Variants in RBFOX2 observed in about 807,000 individuals in gnomAD.
The protein encoded by RBFOX2 is RNA binding protein fox-1 homolog 2.
In RBFOX2, 10 loss-of-function variants were observed where a neutral mutation model predicts 49.1. That is an observed-to-expected ratio of 0.20 (90% CI 0.13 to 0.35). RBFOX2 has a LOEUF of 0.35. Ranked by LOEUF, RBFOX2 falls within the 10% of genes least tolerant of loss-of-function variation. The probability of loss-of-function intolerance (pLI) is 1.00; values close to 1 mark genes in which losing one functional copy is unlikely to be tolerated. For missense variants in RBFOX2, 323 were observed against 486.9 expected (o/e 0.66, Z 3.17); for synonymous variants, 183 against 187.4 (o/e 0.98, Z 0.19).
intron 1 of RBFOX2, among the ~76,000 whole-genome samples, chr22:35,981,974 C>A (rs552926167): frequency 1.3e-5 from 2 of 152,232 alleles, no homozygotes; most frequent in South Asian, 4.1e-4. Flanking sequence ...GAGAGGCACA[C>A]CAAAGGGAAT....
intron 1 of RBFOX2, among the ~76,000 whole-genome samples, chr22:35,876,146 G>A (rs1235748003): frequency 6.6e-6 from 1 of 152,158 alleles, no homozygotes; most frequent in East Asian, 1.9e-4. Flanking sequence ...GAATGAACGG[G>A]CTAAATATGT....
At chr22:35,901,887 G>C (rs1406944124) in intron 1 of RBFOX2, among the ~76,000 whole-genome samples, 2 of 152,156 alleles carry the variant, frequency 1.3e-5, no homozygotes, top group East Asian at 3.9e-4. Context: ...TTCAAGACCA[G>C]CCTGGCCAAC....
At chr22:36,026,573 C>CA (rs1478770709) in intron 1 of RBFOX2, among the ~76,000 whole-genome samples, 1 of 151,222 alleles carries the variant, frequency 6.6e-6, no homozygotes, top group African/African-American at 2.4e-5. Flanking sequence ...CACACACACA[C>CA]CAAGTAGAAC....
chr22:35,772,504 C>CT (rs1942950008), intron 4 of RBFOX2, among the ~76,000 whole-genome samples: 1 of 152,106 alleles, frequency 6.6e-6, no homozygotes, highest in Non-Finnish European at 1.5e-5. Flanking sequence ...CCCTTACAGG[C>CT]ACACCTCCGT....
chr22:35,843,982 G>A (rs773966857), upstream of RBFOX2, among the ~76,000 whole-genome samples: 11 of 152,094 alleles, frequency 7.2e-5, no homozygotes. Flanking sequence ...TTACCCTGAC[G>A]GCTCCCACAT....
chr22:35,995,614 G>A (rs1036603915), intron 1 of RBFOX2: 3 of 153,020 alleles, frequency 2.0e-5, no homozygotes, highest in African/African-American at 7.2e-5. Flanking sequence ...GTTCTCGAGT[G>A]ATCGTTTAAA....
chr22:35,761,228 C>A, exon 8 of RBFOX2: 1 of 1,613,962 alleles, frequency 6.2e-7, no homozygotes, highest in Non-Finnish European at 8.5e-7. Flanking sequence ...AGTGTTGATA[C>A]CCCCTCTTCC....
At chr22:35,866,992 T>C (rs192612711) in intron 1 of RBFOX2, among the ~76,000 whole-genome samples, 7 of 152,260 alleles carry the variant, frequency 4.6e-5, no homozygotes, top group Admixed American at 3.3e-4. Flanking sequence ...CATAACTGCA[T>C]TGTGGTTATG....
At chr22:36,021,542 T>C (rs1413869697) in intron 1 of RBFOX2, among the ~76,000 whole-genome samples, 2 of 151,946 alleles carry the variant, frequency 1.3e-5, no homozygotes, top group Non-Finnish European at 2.9e-5. Context: ...CTTCTGAGCA[T>C]TAGTGACCAA....
At chr22:35,921,828 C>G (rs2051058791) in intron 1 of RBFOX2, among the ~76,000 whole-genome samples, 1 of 152,206 alleles carries the variant, frequency 6.6e-6, no homozygotes, top group Non-Finnish European at 1.5e-5. Context: ...CTGTGCCTGT[C>G]TGGTAAATTC....
rs2043600093 is a variant in RBFOX2, at chr22:35,865,713, T to TGAGGCAACACAGAGGC, written c.-33-55710_-33-55709insGCCTCTGTGTTGCCTC. The stretch of plus-strand genomic sequence containing the variant: ...TTTAGCTGCAAATAGATGAGTATGA[T>TGAGGCAACACAGAGGC]TACACAGTGTTGCCTCTTACCCAAA... On this transcript the variant is annotated intron_variant, in intron 1 of 13. Transcript: ENST00000359369. Among the ~76,000 whole-genome samples, 4 of 152,278 alleles carry TGAGGCAACACAGAGGC rather than the reference T, an allele frequency of 2.6e-5. No homozygotes were observed. The South Asian group carries it at 8.3e-4, about 32-fold the overall frequency.
At chr22:35,874,195 G>T (rs1370859640) in intron 1 of RBFOX2, among the ~76,000 whole-genome samples, 2 of 152,176 alleles carry the variant, frequency 1.3e-5, no homozygotes, top group Non-Finnish European at 2.9e-5. Flanking sequence ...GAGGAAACCT[G>T]CCTAGCGAAA....
At position 35,854,854 on chromosome 22, in the gene RBFOX2, A is replaced by C. The variant is rs530599034; in HGVS notation, c.-33-44850T>G. ...AATAACTTAGTCAAACCAAAATTTG[A>C]AATAATACTGATGGAAAAAAAAAGG... On this transcript the variant is annotated intron_variant, in intron 1 of 13. Coordinates refer to the RBFOX2 transcript ENST00000359369. Among the ~76,000 whole-genome samples, 6 of 152,312 alleles carry C rather than the reference A, an allele frequency of 3.9e-5. No homozygotes were observed. The South Asian group carries it at 1.2e-3, about 32-fold the overall frequency.
At chr22:35,765,289 C>A in intron 6 of RBFOX2, 134 bp downstream of exon 7, 1 of 630,592 alleles carries the variant, frequency 1.6e-6, no homozygotes. Flanking sequence ...ATAAAATACT[C>A]TCCCAGGTAA....
exon 12 of RBFOX2, chr22:35,744,140 A>C (rs376707088): frequency 5.1e-5 from 73 of 1,422,734 alleles, no homozygotes; most frequent in Admixed American, 1.4e-4. Flanking sequence ...TCTACTAGTA[A>C]ATATTGCAAT....
chr22:35,911,546 A>C (rs950105332), intron 1 of RBFOX2, among the ~76,000 whole-genome samples: 2 of 152,208 alleles, frequency 1.3e-5, no homozygotes, highest in South Asian at 2.1e-4. Context: ...ATCAGAGGAA[A>C]GCTAATCAAG....
intron 1 of RBFOX2, chr22:35,898,178 C>T (rs1466221114): frequency 2.9e-5 from 22 of 749,124 alleles, no homozygotes; most frequent in Non-Finnish European, 4.5e-5. Flanking sequence ...TGTGACCCCA[C>T]GCGTCCAAGG....
chr22:35,986,357 A>G (rs908265025), intron 1 of RBFOX2, among the ~76,000 whole-genome samples: 3 of 152,170 alleles, frequency 2.0e-5, no homozygotes, highest in African/African-American at 7.2e-5. Flanking sequence ...AGTCCTGTCA[A>G]GCACAAACTG....
At chr22:35,916,405 C>T (rs118119033) in intron 1 of RBFOX2, among the ~76,000 whole-genome samples, 4,206 of 152,278 alleles carry the variant, frequency 0.028, 74 homozygotes, top group South Asian at 0.071. Context: ...CCTCAGCCTC[C>T]CAAGTAGTTG....
Sources: allele counts gnomAD v4.1 joint callset (sites outside exome capture counted in the v4.1 genomes callset), GRCh38; gene constraint gnomAD v4.1.1; transcripts MANE v1.5; gene names NCBI Gene and HGNC (gene_info 2026-07-23, HGNC 2026-07-21).